The following FOXP1 variants were observed in gnomAD, a reference collection of about 807,000 sequenced individuals.
FOXP1 encodes the protein forkhead box P1.
Under a neutral mutation model 98.2 loss-of-function variants are expected in FOXP1, and 15 were observed. The ratio of observed to expected loss-of-function variants is 0.15; its 90% CI spans 0.10 to 0.24. FOXP1 has a LOEUF of 0.24. Among genes scored for constraint, FOXP1 ranks in the 10% least tolerant of loss-of-function variants. FOXP1 has a pLI of 1.00. For synonymous variants in FOXP1, 371 were observed against 314.5 expected (o/e 1.18, Z -1.90); for missense variants, 633 against 848.5 (o/e 0.75, Z 3.15).
chr3:71,525,672 C>G (rs1323338708), intron 2 of FOXP1, among the ~76,000 whole-genome samples: 1 of 152,042 alleles, frequency 6.6e-6, no homozygotes, highest in Non-Finnish European at 1.5e-5. Context: ...CTTGCTGAGG[C>G]CTTTATATTT....
intron 4 of FOXP1, among the ~76,000 whole-genome samples, chr3:71,338,650 C>T (rs970240110): frequency 9.9e-5 from 15 of 151,950 alleles, no homozygotes; most frequent in Admixed American, 3.3e-4. Context: ...AGGATGGTCT[C>T]GAACTCCTGA....
At chr3:71,054,284 AGACCCTTCGCAT>A (rs1194823974) in intron 7 of FOXP1, among the ~76,000 whole-genome samples, 3 of 152,228 alleles carry the variant, frequency 2.0e-5, no homozygotes, top group African/African-American at 7.2e-5. Flanking sequence ...ACTTAAACAC[AGACCCTTCGCAT>A]GATGCCTTTT....
chr3:71,192,161 C>T (rs956911967), intron 6 of FOXP1, among the ~76,000 whole-genome samples: 8 of 152,176 alleles, frequency 5.3e-5, no homozygotes, highest in Non-Finnish European at 1.2e-4. Context: ...CTTTCAGACA[C>T]AGTCAGTCTC....
At chr3:71,240,542 GTTTT>G (rs2067170618) in intron 5 of FOXP1, among the ~76,000 whole-genome samples, 3 of 76,454 alleles carry the variant, frequency 3.9e-5, no homozygotes, top group Admixed American at 3.7e-4. Context: ...TCAGAATTGT[GTTTT>G]TTTATTTTTT....
intron 6 of FOXP1, among the ~76,000 whole-genome samples, chr3:71,192,220 C>T (rs891276889): frequency 6.6e-6 from 1 of 152,206 alleles, no homozygotes; most frequent in Non-Finnish European, 1.5e-5. Context: ...TAACAAAGTT[C>T]ATAAGCCACC....
chr3:71,279,621 T>C (rs776450983), intron 5 of FOXP1, among the ~76,000 whole-genome samples: 3 of 152,200 alleles, frequency 2.0e-5, no homozygotes, highest in Non-Finnish European at 4.4e-5. Context: ...AAGCTTTTTG[T>C]ATACAATCTC....
At position 70,959,391 on chromosome 3, in the gene FOXP1, C is replaced by G. The variant is rs779099136; in HGVS notation, c.1890G>C (p.Val630=). The change falls in exon 21 of 21, where the codon GTG becomes GTC. Residue 630 remains valine (V), a splice_region_variant and synonymous_variant. Coordinates refer to ENST00000649528, the MANE Select transcript of FOXP1 (RefSeq NM_001349338.3). ...SSPGRSPMQA[V]HPVHVKEEPL... is the part of the protein sequence containing the mutation. ...GCTCTTCTTTGACGTGTACAGGATG[C>G]CTGGAAAAAATATGCAGAGGTTCAG... 1 of 1,613,940 alleles carries G rather than the reference C, an allele frequency of 6.2e-7. No homozygotes were observed.
intron 7 of FOXP1, among the ~76,000 whole-genome samples, chr3:71,080,569 T>C (rs948418951): frequency 3.3e-5 from 5 of 152,260 alleles, no homozygotes; most frequent in South Asian, 2.1e-4. Context: ...AAATGTACTA[T>C]TGAACATTGC....
At chr3:71,175,390 G>A (rs891706127) in intron 6 of FOXP1, among the ~76,000 whole-genome samples, 3 of 152,204 alleles carry the variant, frequency 2.0e-5, no homozygotes, top group Non-Finnish European at 4.4e-5. Flanking sequence ...TTCAAGGAAT[G>A]GAGGCTCCCT....
At chr3:71,451,943 C>T (rs981232192) in intron 3 of FOXP1, among the ~76,000 whole-genome samples, 2 of 152,144 alleles carry the variant, frequency 1.3e-5, no homozygotes, top group Non-Finnish European at 2.9e-5. Context: ...AGTAATTCTA[C>T]AGGTAAAACA....
chr3:71,028,151 T>A (rs1192089342), intron 11 of FOXP1, among the ~76,000 whole-genome samples: 1 of 152,242 alleles, frequency 6.6e-6, no homozygotes, highest in Non-Finnish European at 1.5e-5. Flanking sequence ...GAAATTTTTT[T>A]TTTAAATTTT....
rs140728520 is a variant in FOXP1, at chr3:71,550,369, C to T, written c.-298+31180G>A. Among the ~76,000 whole-genome samples, 612 of 152,254 alleles carry T rather than the reference C, an allele frequency of 4.0e-3. 3 individuals carry two copies. Among genetic ancestry groups the T allele is most frequent in the African/African-American group, 0.013 (545 of 41,534 alleles). Reference sequence around the variant, plus strand: ...GAGCTAATATGTTATATAACCGCTCCGTGCCTCAGTTTCCACATCTGCAAA... The same window carrying T: ...GAGCTAATATGTTATATAACCGCTCTGTGCCTCAGTTTCCACATCTGCAAA... On this transcript the variant is annotated intron_variant, in intron 2 of 20. Coordinates refer to ENST00000649528, the MANE Select transcript of FOXP1 (RefSeq NM_001349338.3).
chr3:71,568,144 G>T (rs1436718734), intron 2 of FOXP1, among the ~76,000 whole-genome samples: 1 of 151,968 alleles, frequency 6.6e-6, no homozygotes, highest in Non-Finnish European at 1.5e-5. Flanking sequence ...ACTCGAGCAG[G>T]ATTCGCCTCC....
At chr3:70,995,987 T>C (rs1293249249) in intron 13 of FOXP1, among the ~76,000 whole-genome samples, 1 of 152,218 alleles carries the variant, frequency 6.6e-6, no homozygotes, top group Non-Finnish European at 1.5e-5. Flanking sequence ...TTTTATTTTA[T>C]GATTATTAAT....
At chr3:71,077,005 T>C (rs146319578) in intron 7 of FOXP1, among the ~76,000 whole-genome samples, 2 of 152,366 alleles carry the variant, frequency 1.3e-5, no homozygotes, top group East Asian at 1.9e-4. Flanking sequence ...ACACATAAAG[T>C]TATGGAGCAT....
intron 11 of FOXP1, among the ~76,000 whole-genome samples, chr3:71,035,372 C>G (rs746887071): frequency 1.1e-4 from 16 of 152,300 alleles, no homozygotes; most frequent in Non-Finnish European, 1.8e-4. Context: ...GGGTCAGCAA[C>G]TGTTTCTGTA....
intron 8 of FOXP1, among the ~76,000 whole-genome samples, chr3:71,052,879 G>A (rs2050100956): frequency 6.6e-6 from 1 of 152,196 alleles, no homozygotes; most frequent in Admixed American, 6.5e-5. Context: ...ATAAGGCAAA[G>A]AATGACCTTT....
intron 6 of FOXP1, among the ~76,000 whole-genome samples, chr3:71,182,252 T>C (rs9830657): frequency 0.44 from 66,883 of 151,540 alleles, 15,125 homozygotes; most frequent in Middle Eastern, 0.59. Context: ...GCGGAAAACT[T>C]AAAGACATTA....
At chr3:71,165,365 T>C (rs1039416263) in intron 6 of FOXP1, among the ~76,000 whole-genome samples, 1 of 152,206 alleles carries the variant, frequency 6.6e-6, no homozygotes, top group African/African-American at 2.4e-5. Context: ...GCTTTCTTTA[T>C]ATTCAAAAAA....
Sources: allele counts gnomAD v4.1 joint callset (sites outside exome capture counted in the v4.1 genomes callset), GRCh38; gene constraint gnomAD v4.1.1; transcripts MANE v1.5; gene names NCBI Gene and HGNC (gene_info 2026-07-23, HGNC 2026-07-21).